The following ABCC9 variants were observed in gnomAD, a reference collection of about 807,000 sequenced individuals.
ABCC9 encodes the protein ATP binding cassette subfamily C member 9, also known as ATP-binding cassette sub-family C member 9.
Under a neutral mutation model 188.3 loss-of-function variants are expected in ABCC9, and 95 were observed. The observed-to-expected ratio is 0.50, with a 90% CI of 0.43 to 0.60. The LOEUF (loss-of-function observed/expected upper bound fraction) is 0.60, where lower values mean the gene tolerates loss of function less well. Ranked by LOEUF, ABCC9 falls within the 20% of genes least tolerant of loss-of-function variation. The probability of loss-of-function intolerance (pLI) is 0.00; values close to 1 mark genes in which losing one functional copy is unlikely to be tolerated. For synonymous variants in ABCC9, 659 were observed against 652.7 expected, an observed-to-expected ratio of 1.01 and a Z score of -0.15; for missense variants, 1,102 against 1,876.3, an observed-to-expected ratio of 0.59 and a Z score of 7.62.
At chr12:21,805,853 A>ATTTTTTTTTT in intron 39 of ABCC9, 145 bp downstream of exon 39, 1 of 802,386 alleles carries the variant, frequency 1.2e-6, no homozygotes, top group South Asian at 1.6e-5. Context: ...ACATCTTCGT[A>ATTTTTTTTTT]TTTTTTTTCT....
intron 20 of ABCC9, among the ~76,000 whole-genome samples, chr12:21,861,576 T>TA (rs1204663483): frequency 1.3e-5 from 2 of 152,042 alleles, no homozygotes; most frequent in Admixed American, 6.6e-5. Context: ...AGAAGACTGA[T>TA]ACAAAAATAT....
At chr12:21,906,101 T>A in intron 12 of ABCC9, 25 bp downstream of exon 12, 1 of 1,611,594 alleles carries the variant, frequency 6.2e-7, no homozygotes, top group Non-Finnish European at 8.5e-7. Flanking sequence ...TAAAGTCGCC[T>A]GTTCTTAGAG....
At chr12:21,866,224 C>T in intron 18 of ABCC9, among the ~76,000 whole-genome samples, 1 of 151,784 alleles carries the variant, frequency 6.6e-6, no homozygotes, top group East Asian at 1.9e-4. Context: ...TGAAGGGGCT[C>T]ATAATCCATT....
intron 22 of ABCC9, among the ~76,000 whole-genome samples, chr12:21,855,538 A>G (rs552403682): frequency 1.7e-3 from 260 of 152,204 alleles, no homozygotes; most frequent in African/African-American, 5.9e-3. Context: ...CTGATTTTAC[A>G]TGTTAGAAGT....
At chr12:21,925,340 C>T (rs1360643400) in intron 5 of ABCC9, 2 of 546,794 alleles carry the variant, frequency 3.7e-6, no homozygotes, top group African/African-American at 3.8e-5. Flanking sequence ...AACAAGGAAG[C>T]AAGAGAGGCT....
rs1169816192 is a variant in ABCC9, at chr12:21,799,522, A to G, written c.*1522T>C. The G allele has an allele frequency of 1.3e-5, 2 of 152,182 alleles. No homozygotes were observed. The highest frequency in any genetic ancestry group is 2.9e-5 in the Non-Finnish European group (2 of 68,022). The allele number at this position is 152,182 out of a possible 1,614,324, so 9.4% of individuals were successfully genotyped here. On this transcript the variant is annotated 3_prime_UTR_variant, in exon 40 of 40. Coordinates refer to ENST00000261200, the MANE Select transcript of ABCC9 (RefSeq NM_020297.4). ...TTTATATACACAACAAAAGGTTACA[A>G]TTTAAGCTAAATATCATGGACCATT...
At chr12:21,919,185 T>C (rs898138939) in intron 5 of ABCC9, among the ~76,000 whole-genome samples, 1 of 151,060 alleles carries the variant, frequency 6.6e-6, no homozygotes, top group African/African-American at 2.4e-5. Flanking sequence ...ACAATAGAGA[T>C]GAGTAGAAAG....
In ABCC9 at chr12:21,798,969, C is replaced by A. The variant is rs1941299029; in HGVS notation, c.*2075G>T. On this transcript the variant is annotated 3_prime_UTR_variant, in exon 40 of 40. Transcript: ENST00000261200. The stretch of plus-strand genomic sequence containing the variant: ...GTAGGGACATGGATGAAACTGGAAA[C>A]CATCATTCTCAGTAAACTATCGCAA... 6.7e-6 allele frequency: 1 copy of A among 148,570 alleles called. No individual in the cohort carries two copies. The highest frequency in any genetic ancestry group is 6.8e-5 in the Admixed American group (1 of 14,730). The allele number at this position is 148,570 out of a possible 1,614,324, so 9.2% of individuals were successfully genotyped here. A position where few individuals can be genotyped will look rare whatever the true frequency, so the allele number is the denominator to read the frequency against.
intron 14 of ABCC9, among the ~76,000 whole-genome samples, chr12:21,891,862 G>T (rs568741255): frequency 4.9e-4 from 74 of 152,274 alleles, no homozygotes; most frequent in African/African-American, 1.7e-3. Flanking sequence ...GGCACTAAAG[G>T]TTGGTCACGG....
In ABCC9 at chr12:21,909,387, G is replaced by A. The variant is rs550895129; in HGVS notation, c.1320+770C>T. ...AAATGTGGGACACAGGGACTTAGAT[G>A]ACAGATTTTTTCAAATAAGATCTAG... On this transcript the variant is annotated intron_variant, in intron 10 of 39. Coordinates refer to ENST00000261200, the MANE Select transcript of ABCC9 (RefSeq NM_020297.4). Among the ~76,000 whole-genome samples, 3 of 151,952 alleles carry A rather than the reference G, an allele frequency of 2.0e-5. No individual in the cohort carries two copies. In the South Asian group the frequency reaches 6.2e-4, roughly 31 times the overall value.
chr12:21,827,232 C>T (rs1186977826), intron 31 of ABCC9: 1 of 985,190 alleles, frequency 1.0e-6, no homozygotes, highest in African/African-American at 1.7e-5. Context: ...AATATCTTGT[C>T]TTCTGGCTAT....
Position 21,939,807 on chromosome 12 carries a change from C to T in ABCC9, c.-21+903G>A, listed in dbSNP as rs147831382. 4.4e-3 allele frequency among the ~76,000 whole-genome samples: 674 copies of T among 152,286 alleles called. 6 individuals carry two copies. Among genetic ancestry groups the T allele is most frequent in the African/African-American group, 0.015 (626 of 41,562 alleles). On this transcript the variant is annotated intron_variant, in intron 2 of 39. Coordinates refer to ENST00000261200, the MANE Select transcript of ABCC9 (RefSeq NM_020297.4). ...GATCAAAGTGAAATTTTGCTTCTAA[C>T]GTATGTCTATGGAGCAGAAAACATA... is the stretch of plus-strand genomic sequence containing the variant.
intron 12 of ABCC9, among the ~76,000 whole-genome samples, chr12:21,899,045 C>A (rs950769716): frequency 2.0e-5 from 3 of 152,086 alleles, no homozygotes; most frequent in Non-Finnish European, 4.4e-5. Context: ...ATATTTTTAA[C>A]CCTTTTCCCG....
rs138516615 is a variant in ABCC9, at chr12:21,838,926, T to C, written c.3474-756A>G. 1.5e-3 allele frequency among the ~76,000 whole-genome samples: 221 copies of C among 152,234 alleles called. 1 individual carries two copies. The highest frequency in any genetic ancestry group is 5.2e-3 in the African/African-American group (217 of 41,538). On this transcript the variant is annotated intron_variant, in intron 29 of 39. Transcript: ENST00000261200. ...CAGTAATCCCAGCTACTCAGGAGGC[T>C]GAGGCAGGAGAATCACCTGAACCCA...
At chr12:21,869,435 G>A (rs1716915473) in intron 18 of ABCC9, 1 of 152,150 alleles carries the variant, frequency 6.6e-6, no homozygotes, top group Non-Finnish European at 1.5e-5. Flanking sequence ...CACACCACAA[G>A]TCCGAATCAT....
Position 21,800,396 on chromosome 12 carries a change from A to C in ABCC9, c.*648T>G, listed in dbSNP as rs1285507967. ...CTCTTTACAGGACAGGAAAAAATGAAAATTCGAGTATAGTTTTAAAAATAT... is the reference window on the plus strand; with the variant it reads ...CTCTTTACAGGACAGGAAAAAATGACAATTCGAGTATAGTTTTAAAAATAT... On this transcript the variant is annotated 3_prime_UTR_variant, in exon 40 of 40. Transcript: ENST00000261200. 1 of 152,346 alleles carries C rather than the reference A, an allele frequency of 6.6e-6. No homozygotes were observed. The highest frequency in any genetic ancestry group is 1.5e-5 in the Non-Finnish European group (1 of 68,142). 9.4% of individuals were successfully genotyped at this position (152,346 alleles called of 1,614,324 possible).
chr12:21,920,866 A>G (rs1330050228), intron 5 of ABCC9, among the ~76,000 whole-genome samples: 1 of 152,202 alleles, frequency 6.6e-6, no homozygotes, highest in East Asian at 1.9e-4. Context: ...AATGACCTCA[A>G]GTTCCATCCA....
At chr12:21,812,584 C>T (rs1454646976) in intron 35 of ABCC9, among the ~76,000 whole-genome samples, 1 of 152,098 alleles carries the variant, frequency 6.6e-6, no homozygotes, top group African/African-American at 2.4e-5. Flanking sequence ...TCATTCTCAG[C>T]AAACTAACAC....
At chr12:21,865,555 G>C (rs1433521985) in intron 18 of ABCC9, among the ~76,000 whole-genome samples, 1 of 152,150 alleles carries the variant, frequency 6.6e-6, no homozygotes, top group Non-Finnish European at 1.5e-5. Context: ...GACCTCACTA[G>C]TTTTAACTAA....
Sources: allele counts gnomAD v4.1 joint callset (sites outside exome capture counted in the v4.1 genomes callset), GRCh38; gene constraint gnomAD v4.1.1; transcripts MANE v1.5; gene names NCBI Gene and HGNC (gene_info 2026-07-23, HGNC 2026-07-21).